The following COL5A3 variants were observed in gnomAD, a reference collection of about 807,000 sequenced individuals.
The protein encoded by COL5A3 is collagen alpha-3(V) chain.
A neutral mutation model predicts 250.0 loss-of-function variants in COL5A3; 172 were observed. That is an observed-to-expected ratio of 0.69 (90% CI 0.61 to 0.78). The LOEUF is 0.78. Ranked by LOEUF, COL5A3 falls within the 30% of genes least tolerant of loss-of-function variation. The pLI, the probability that COL5A3 is intolerant of heterozygous loss-of-function variation, is 0.00. For synonymous variants in COL5A3, 937 were observed against 900.4 expected, an observed-to-expected ratio of 1.04 and a Z score of -0.73; for missense variants, 2,340 against 2,334.4, an observed-to-expected ratio of 1.00 and a Z score of -0.05.
chr19:9,966,474 G>T (rs1288450469), intron 63 of COL5A3, 48 bp from the exon 64 acceptor site: 9 of 1,570,698 alleles, frequency 5.7e-6, no homozygotes, highest in South Asian at 1.2e-5. Context: ...GGACCCGACG[G>T]ACCCCAACCC....
In COL5A3 at chr19:9,976,602, C is replaced by T. The variant is rs770483332; in HGVS notation, c.3298G>A (p.Gly1100Arg). ...KGDKGDAGPPGQPGIRGPAGH... is the reference protein window; with the variant it reads ...KGDKGDAGPPRQPGIRGPAGH... ...GCAGGACCCCGTATCCCTGGTTGTC[C>T]AGGTGGGCCCTGGGAGAACAGGAAA... The change falls in exon 45 of 67, where the codon GGA (glycine) becomes AGA (arginine). Residue 1100 changes from glycine to arginine, a missense_variant. By Grantham distance (125) the Gly-to-Arg change is moderately radical. Around this residue, in one of 3 missense-constraint regions of COL5A3, gnomAD observed 1,179 missense variants for 1,162.6 expected, o/e 1.01. Transcript: ENST00000264828. 6.3e-7 allele frequency: 1 copy of T among 1,575,006 alleles called. No individual in the cohort carries two copies. Among genetic ancestry groups the T allele is most frequent in the Non-Finnish European group, 8.6e-7 (1 of 1,164,912 alleles).
chr19:10,003,174 A>G (rs958838804), intron 6 of COL5A3, among the ~76,000 whole-genome samples: 5 of 152,154 alleles, frequency 3.3e-5, no homozygotes, highest in Admixed American at 6.6e-5. Context: ...CCAAACAATG[A>G]CACACTAACT....
rs563109290 is a variant in COL5A3 at position 9,960,527 on chromosome 19, C to T, written c.5122G>A (p.Glu1708Lys). ...LRKGQTKTLF[E>K]FSSSRAGFLP... ...AATCCCGCTCGAGAAGAGCTGAATT[C>T]GAAAAGGGTCTTCGTCTGTCCTTTC... The change falls in exon 67 of 67, where the codon GAA becomes AAA. Residue 1708 changes from glutamate to lysine, a missense_variant. Physicochemically the swap from Glu to Lys is moderately conservative, Grantham distance 56. Around this residue, in one of 3 missense-constraint regions of COL5A3, gnomAD observed 1,179 missense variants for 1,162.6 expected, o/e 1.01. Transcript: ENST00000264828. 42 of 1,614,146 alleles carry T rather than the reference C, an allele frequency of 2.6e-5. No homozygotes were observed. Among genetic ancestry groups the T allele is most frequent in the Middle Eastern group, 3.3e-4 (2 of 6,062 alleles).
At chr19:9,998,512 G>A (rs1450602094) in intron 8 of COL5A3, among the ~76,000 whole-genome samples, 1 of 152,138 alleles carries the variant, frequency 6.6e-6, no homozygotes, top group African/African-American at 2.4e-5. Flanking sequence ...AATGACGCCT[G>A]TGTATATATC....
chr19:9,978,887 T>C lies in COL5A3; in HGVS notation c.2964+4A>G. 1.4e-6 allele frequency: 2 copies of C among 1,453,768 alleles called. No homozygotes were observed. The highest frequency in any genetic ancestry group is 5.0e-5 in the East Asian group (2 of 39,754). The allele number at this position is 1,453,768 out of a possible 1,614,324, so 90.1% of individuals were successfully genotyped here. On this transcript the variant is annotated splice_donor_region_variant and intron_variant, in intron 40 of 66. Transcript: ENST00000264828. ...CATGCAGGAGGGTCTCCAAAGATAC[T>C]CACCGGGTCCCCAGGGCCCCCTTTG... is the stretch of plus-strand genomic sequence containing the variant.
At chr19:9,977,947 C>CATACATATATATAT (rs1555736344) in intron 41 of COL5A3, among the ~76,000 whole-genome samples, 10 of 106,164 alleles carry the variant, frequency 9.4e-5, no homozygotes, top group Admixed American at 3.3e-4. Flanking sequence ...GCAGCCTATA[C>CATACATATATATAT]ATATATATAT....
rs753270591 is a variant in COL5A3 at position 9,962,896 on chromosome 19, G to C, written c.4783-9C>G. On this transcript the variant is annotated splice_polypyrimidine_tract_variant and intron_variant, in intron 64 of 66. Transcript: ENST00000264828. The stretch of plus-strand genomic sequence containing the variant: ...CAGGAGGCCAATTTCACCTGGAAGA[G>C]AAAAGGGAGGGTCACTGTAGCTGAC... 1 of 1,605,040 alleles carries C rather than the reference G, an allele frequency of 6.2e-7. No individual in the cohort carries two copies. The highest frequency in any genetic ancestry group is 2.2e-5 in the East Asian group (1 of 44,826).
chr19:9,972,287 C>CCTCGTTCATCCATTCATTCA (rs1468093393), intron 51 of COL5A3, among the ~76,000 whole-genome samples: 4 of 138,990 alleles, frequency 2.9e-5, no homozygotes, highest in Admixed American at 7.1e-5. Flanking sequence ...CCATTCATTC[C>CCTCGTTCATCCATTCATTCA]CTCGTTCATC....
rs1226411838 is a variant in COL5A3 at position 9,970,067 on chromosome 19, GGGGGCTGTGGGT to G, written c.3937-157_3937-146del. ...TGGGGTGAATGAGGTCTGGGTGAGT[GGGGGCTGTGGGT>G]GAGTGGGGGCTGTGGCTGAGTGGAG... is the stretch of plus-strand genomic sequence containing the variant. On this transcript the variant is annotated intron_variant, in intron 54 of 66. Transcript: ENST00000264828. 4.2e-4 allele frequency: 173 copies of G among 407,426 alleles called. 12 individuals carry two copies. The African/African-American group carries it at 7.1e-3, about 17-fold the overall frequency. 25.2% of individuals were successfully genotyped at this position (407,426 alleles called of 1,614,324 possible).
intron 24 of COL5A3, 144 bp downstream of exon 24, chr19:9,991,466 T>C (rs1414368510): frequency 6.1e-6 from 4 of 658,056 alleles, no homozygotes; most frequent in African/African-American, 5.5e-5. Context: ...CAAGGACACT[T>C]TGTATCTCCG....
rs562089638 is a variant in COL5A3 at position 9,980,587 on chromosome 19, C to T, written c.2604+61G>A. 8.1e-6 allele frequency: 11 copies of T among 1,350,184 alleles called. No individual in the cohort carries two copies. In the African/African-American group the frequency reaches 2.4e-4, roughly 30 times the overall value. 83.6% of individuals were successfully genotyped at this position (1,350,184 alleles called of 1,614,324 possible). A position where few individuals can be genotyped will look rare whatever the true frequency, so the allele number is the denominator to read the frequency against. On this transcript the variant is annotated intron_variant, in intron 35 of 66. Coordinates refer to ENST00000264828, the MANE Select transcript of COL5A3 (RefSeq NM_015719.4). Reference sequence around the variant, plus strand: ...TCATCTCTTGGGTTTGTCCTCCACTCAGAATCTCTCTCTCTCACACACACA... The same window carrying T: ...TCATCTCTTGGGTTTGTCCTCCACTTAGAATCTCTCTCTCTCACACACACA...
chr19:9,997,560 C>T (rs2087291103), intron 10 of COL5A3, 127 bp from the exon 11 acceptor site: 1 of 627,666 alleles, frequency 1.6e-6, no homozygotes. Context: ...TCCAACTCCC[C>T]TAATGCAATA....
At chr19:10,002,491 T>TG (rs1489759762) in intron 6 of COL5A3, among the ~76,000 whole-genome samples, 1 of 112,772 alleles carries the variant, frequency 8.9e-6, no homozygotes, top group Non-Finnish European at 1.7e-5. Flanking sequence ...CCACCAAGAA[T>TG]GACCTACATC....
rs780783103 is a variant in COL5A3 at position 9,996,497 on chromosome 19, G to T, written c.1358C>A (p.Ser453Tyr). ...GAATGAGACTGGGGGGCCTTTAAAG[G>T]AGCCGCCTGCAAACTGGAACTGGGA... Reference protein sequence around the residue: ...IMMPFQFAGGSFKGPPVSFQQ... With the variant: ...IMMPFQFAGGYFKGPPVSFQQ... The change falls in exon 13 of 67, where the codon TCC becomes TAC. Residue 453 changes from serine to tyrosine, a missense_variant. By Grantham distance (144) the Ser-to-Tyr change is moderately radical. Transcript: ENST00000264828. The T allele has an allele frequency of 1.2e-6, 2 of 1,614,020 alleles. No individual in the cohort carries two copies. Among genetic ancestry groups the T allele is most frequent in the African/African-American group, 2.7e-5 (2 of 74,922 alleles).
chr19:9,969,890 T>G lies in COL5A3; in HGVS notation c.3969A>C (p.Arg1323Ser). The G allele has an allele frequency of 6.2e-7, 1 of 1,613,520 alleles. No homozygotes were observed. The highest frequency in any genetic ancestry group is 8.5e-7 in the Non-Finnish European group (1 of 1,179,864). ...TCACCTTGGCACCTTTCTCCCCTTC[T>G]CTGCCTTCTCGACCCATGTGGCCTG... is the stretch of plus-strand genomic sequence containing the variant. Reference protein sequence around the residue: ...GPSGHMGREGREGEKGAKGEP... With the variant: ...GPSGHMGREGSEGEKGAKGEP... Residue 1323 changes from arginine (R) to serine (S), a missense_variant, in exon 55 of 67, where the codon AGA (arginine) becomes AGC (serine). Transcript: ENST00000264828.
intron 16 of COL5A3, among the ~76,000 whole-genome samples, chr19:9,994,784 G>A (rs1265792873): frequency 6.6e-6 from 1 of 151,222 alleles, no homozygotes; most frequent in Non-Finnish European, 1.5e-5. Context: ...AACAATGTGC[G>A]ACTGTACTGA....
In COL5A3 at chr19:9,996,096, C is replaced by A; in HGVS notation, c.1503G>T (p.Leu501=). 1 of 1,585,042 alleles carries A rather than the reference C, an allele frequency of 6.3e-7. No homozygotes were observed. Among genetic ancestry groups the A allele is most frequent in the Non-Finnish European group, 8.6e-7 (1 of 1,166,736 alleles). The change falls in exon 15 of 67, where the codon CTG becomes CTT. Residue 501 remains leucine, a synonymous_variant. Transcript: ENST00000264828. ...GPVGLPGHPG[L]KGEEGAEGPQ... ...GCCCTTCTGCTCCCTCCTCTCCTTT[C>A]AGACCTGGATGCCCGGGGAGACCCT...
intron 31 of COL5A3, among the ~76,000 whole-genome samples, chr19:9,983,590 AAGAAAGAAAG>A (rs1240446855): frequency 0.035 from 2,677 of 75,596 alleles, 186 homozygotes; most frequent in African/African-American, 0.071. Context: ...GAAAGAAAGA[AAGAAAGAAAG>A]AGAAAGAGAG....
Position 9,966,710 on chromosome 19 carries a change from G to C in COL5A3, c.4495C>G (p.Arg1499Gly), listed in dbSNP as rs1258043586. Residue 1499 changes from arginine to glycine, a missense_variant, in exon 63 of 67, where the codon CGG becomes GGG. Coordinates refer to ENST00000264828, the MANE Select transcript of COL5A3 (RefSeq NM_015719.4). ...PAELHGLRRRRRFVPVPLPVV... is the reference protein window; with the variant it reads ...PAELHGLRRRGRFVPVPLPVV... ...GGAAGCGGGACTGGGACGAAGCGCC[G>C]GCGCCTGCGCAGCCCATGCAGCTCG... The C allele has an allele frequency of 6.5e-7, 1 of 1,537,430 alleles. No individual in the cohort carries two copies. The highest frequency in any genetic ancestry group is 1.4e-5 in the African/African-American group (1 of 73,104).
Sources: allele counts gnomAD v4.1 joint callset (sites outside exome capture counted in the v4.1 genomes callset), GRCh38; gene constraint gnomAD v4.1.1; regional missense constraint gnomAD v4.1.1; transcripts MANE v1.5; gene names NCBI Gene and HGNC (gene_info 2026-07-23, HGNC 2026-07-21).